ZBTB37: variants seen among roughly 807,000 people sequenced by gnomAD.
ZBTB37 encodes the protein zinc finger and BTB domain containing 37.
ZBTB37 carries 15 observed loss-of-function variants against 37.7 expected under a neutral mutation model. That is an observed-to-expected ratio of 0.40 (90% CI 0.27 to 0.61). ZBTB37 has a LOEUF of 0.61. Ranked by LOEUF, ZBTB37 falls within the 20% of genes least tolerant of loss-of-function variation. The pLI is 0.44. For synonymous variants in ZBTB37, 231 were observed against 220.6 expected, an observed-to-expected ratio of 1.05 and a Z score of -0.42; for missense variants, 514 against 641.9, an observed-to-expected ratio of 0.80 and a Z score of 2.15.
At chr1:173,870,567 T>C (rs1163880089) in exon 3 of ZBTB37, 2 of 1,614,186 alleles carry the variant, frequency 1.2e-6, no homozygotes, top group East Asian at 4.5e-5. Flanking sequence ...TGCAGCATAT[T>C]ATAGACAAAT....
At chr1:173,893,573 C>T (rs1656933965) in exon 4 of ZBTB37, 1 of 151,994 alleles carries the variant, frequency 6.6e-6, no homozygotes, top group African/African-American at 2.4e-5. Flanking sequence ...GATAAAAGAT[C>T]AAAAAGGGGA....
intron 4 of ZBTB37, among the ~76,000 whole-genome samples, chr1:173,879,803 T>C (rs1215137826): frequency 1.3e-5 from 2 of 151,992 alleles, no homozygotes; most frequent in Admixed American, 1.3e-4. Flanking sequence ...TATAAAACAT[T>C]AGCCAGGCAT....
At chr1:173,889,308 C>A (rs921045306), downstream of ZBTB37, 3 of 152,216 alleles carry the variant, frequency 2.0e-5, no homozygotes, top group Non-Finnish European at 4.4e-5. Context: ...GGTGTATGCA[C>A]AGAGGATACC....
chr1:173,885,516 T>C, intron 4 of ZBTB37, 120 bp from the exon 5 acceptor site: 2 of 861,236 alleles, frequency 2.3e-6, no homozygotes, highest in South Asian at 3.9e-5. Context: ...ATTTTCTGTT[T>C]GATCCGCCAC....
At chr1:173,871,086 A>G in exon 3 of ZBTB37, 1 of 1,614,006 alleles carries the variant, frequency 6.2e-7, no homozygotes. Flanking sequence ...TAGGACAGGA[A>G]AATTATACTT....
chr1:173,896,614 A>G lies in ZBTB37; in HGVS notation c.*10490A>G, dbSNP rs188613944. 2.6e-5 allele frequency: 4 copies of G among 152,368 alleles called. No homozygotes were observed. In the East Asian group the frequency reaches 5.8e-4, roughly 22 times the overall value. 9.4% of individuals were successfully genotyped at this position (152,368 alleles called of 1,614,324 possible). A position where few individuals can be genotyped will look rare whatever the true frequency, so the allele number is the denominator to read the frequency against. On this transcript the variant is annotated 3_prime_UTR_variant, in exon 4 of 4. Transcript: ENST00000367701. ...AAGGGGAACCTTGTAGATTGACCAA[A>G]TATTTATTCTTTATTTTCAGCATCA...
At chr1:173,892,749 G>A (rs1005546553) in exon 4 of ZBTB37, 1 of 152,102 alleles carries the variant, frequency 6.6e-6, no homozygotes, top group African/African-American at 2.4e-5. Context: ...CATAGAAGAA[G>A]CCCATTAGCT....
downstream of ZBTB37, chr1:173,889,139 A>C (rs754921424): frequency 4.6e-5 from 7 of 152,232 alleles, no homozygotes; most frequent in Non-Finnish European, 1.0e-4. Context: ...AAAACTTCTG[A>C]AAACAATTTC....
At chr1:173,901,248 A>G (rs921474735) in exon 4 of ZBTB37, 5 of 152,182 alleles carry the variant, frequency 3.3e-5, no homozygotes, top group Admixed American at 1.3e-4. Context: ...TTCCCAAACT[A>G]TAGGCAAAAG....
chr1:173,881,686 T>G (rs1258890723), intron 4 of ZBTB37, among the ~76,000 whole-genome samples: 1 of 152,200 alleles, frequency 6.6e-6, no homozygotes, highest in African/African-American at 2.4e-5. Flanking sequence ...GGTTTTGATT[T>G]GCATTTCTCT....
At chr1:173,902,777 A>C (rs1334446158) in exon 4 of ZBTB37, 8 of 152,152 alleles carry the variant, frequency 5.3e-5, no homozygotes, top group Non-Finnish European at 1.0e-4. Flanking sequence ...AGATTACTTC[A>C]GGAGGAGAGT....
rs6658455 is a variant in ZBTB37, at chr1:173,879,677, C to T, written c.1024-5959C>T. Among the ~76,000 whole-genome samples, 1,365 of 152,258 alleles carry T rather than the reference C, an allele frequency of 9.0e-3. 17 individuals carry two copies. The highest frequency in any genetic ancestry group is 0.032 in the African/African-American group (1,309 of 41,542). On this transcript the variant is annotated intron_variant, in intron 4 of 4. Transcript: ENST00000427304. ...AAGTAGTTTGCAACTATCGGCTGGG[C>T]GAGGTGGCTCACACTTGTAATCCCA...
chr1:173,900,566 A>G (rs1328390436), exon 4 of ZBTB37: 1 of 152,240 alleles, frequency 6.6e-6, no homozygotes, highest in Non-Finnish European at 1.5e-5. Flanking sequence ...TTCTGAGAGT[A>G]TTCTGGATAC....
chr1:173,894,762 G>GTCCAGGACT (rs1656979660), exon 4 of ZBTB37: 3 of 152,222 alleles, frequency 2.0e-5, no homozygotes, highest in African/African-American at 7.2e-5. Flanking sequence ...TGGAAGGCAT[G>GTCCAGGACT]TCCAGGACTT....
At chr1:173,883,432 T>C (rs549204257) in intron 4 of ZBTB37, among the ~76,000 whole-genome samples, 8 of 152,206 alleles carry the variant, frequency 5.3e-5, no homozygotes, top group Non-Finnish European at 1.2e-4. Context: ...TGAGCCGAGA[T>C]TGCACTCCAG....
At chr1:173,877,965 T>G (rs1656076664) in intron 4 of ZBTB37, among the ~76,000 whole-genome samples, 1 of 152,358 alleles carries the variant, frequency 6.6e-6, no homozygotes, top group South Asian at 2.1e-4. Flanking sequence ...AAGGTTAATA[T>G]ACTTGGCCTA....
In ZBTB37 at chr1:173,876,537, C is replaced by CA. The variant is rs1655979502; in HGVS notation, c.1023+2974dup. On this transcript the variant is annotated intron_variant, in intron 4 of 4. Coordinates refer to ENST00000427304, the Ensembl canonical transcript of ZBTB37. ...TTCACCATATTGGTCAGGCTGGTCT[C>CA]AAACTCCTGACCTCAGGTAATCCAA... Among the ~76,000 whole-genome samples, 3 of 152,084 alleles carry CA rather than the reference C, an allele frequency of 2.0e-5. No individual in the cohort carries two copies. The South Asian group carries it at 6.2e-4, about 32-fold the overall frequency.
intron 3 of ZBTB37, among the ~76,000 whole-genome samples, chr1:173,872,417 G>A (rs1386963837): frequency 6.6e-6 from 1 of 152,056 alleles, no homozygotes; most frequent in Non-Finnish European, 1.5e-5. Context: ...CTGTTGCCCA[G>A]GTTAGAGTGC....
At chr1:173,876,154 A>AT (rs1025551653) in intron 4 of ZBTB37, among the ~76,000 whole-genome samples, 4 of 151,352 alleles carry the variant, frequency 2.6e-5, no homozygotes, top group South Asian at 4.2e-4. Context: ...TGATTGAATG[A>AT]TTTTTTTTAA....
Sources: gnomAD v4.1 joint callset for allele counts (sites outside exome capture counted in the v4.1 genomes callset) on GRCh38, gnomAD v4.1.1 for gene constraint, MANE v1.5 for transcripts, NCBI Gene and HGNC (gene_info 2026-07-23, HGNC 2026-07-21) for gene names.